The following CTNNA2 variants were observed in gnomAD, a reference collection of about 807,000 sequenced individuals.
CTNNA2 encodes the protein catenin alpha-2.
In CTNNA2, 42 loss-of-function variants were observed where a neutral mutation model predicts 101.0. The ratio of observed to expected loss-of-function variants is 0.42; its 90% CI spans 0.32 to 0.54. The LOEUF is 0.54. Ranked by LOEUF, CTNNA2 falls within the 20% of genes least tolerant of loss-of-function variation. CTNNA2 has a pLI of 0.14. For missense variants in CTNNA2, 871 were observed against 1,223.1 expected (o/e 0.71, Z 4.29); for synonymous variants, 450 against 456.4 (o/e 0.99, Z 0.18).
chr2:79,606,569 A>G (rs999848983), intron 1 of CTNNA2, among the ~76,000 whole-genome samples: 2 of 152,184 alleles, frequency 1.3e-5, no homozygotes, highest in Admixed American at 1.3e-4. Context: ...CGCCTGGCCA[A>G]TATTGAGTGT....
At chr2:80,064,077 G>A (rs1697801432) in intron 7 of CTNNA2, among the ~76,000 whole-genome samples, 1 of 152,166 alleles carries the variant, frequency 6.6e-6, no homozygotes, top group African/African-American at 2.4e-5. Flanking sequence ...GAGGGAGAGG[G>A]AGAAGAAAAC....
chr2:79,528,188 C>A (rs565378065), intron 1 of CTNNA2, among the ~76,000 whole-genome samples: 1 of 136,336 alleles, frequency 7.3e-6, no homozygotes, highest in Admixed American at 7.6e-5. Context: ...CTAATGGGTA[C>A]ACGTTCTCTT....
At chr2:79,395,273 G>A (rs1678216910) in intron 4 of CTNNA2, among the ~76,000 whole-genome samples, 1 of 151,670 alleles carries the variant, frequency 6.6e-6, no homozygotes, top group Non-Finnish European at 1.5e-5. Flanking sequence ...TAAGTTTTAG[G>A]GTACATGTGC....
chr2:79,703,065 G>A (rs1228272859), intron 2 of CTNNA2, among the ~76,000 whole-genome samples: 2 of 152,180 alleles, frequency 1.3e-5, no homozygotes, highest in Non-Finnish European at 1.5e-5. Flanking sequence ...GAACAGTTGT[G>A]TCCAGACATC....
At chr2:79,473,372 A>T (rs1438231676) in intron 4 of CTNNA2, among the ~76,000 whole-genome samples, 1 of 152,042 alleles carries the variant, frequency 6.6e-6, no homozygotes, top group East Asian at 1.9e-4. Flanking sequence ...AGAGAATACC[A>T]AGTAGGCTAA....
chr2:79,286,634 A>G (rs1028844807), intron 2 of CTNNA2, among the ~76,000 whole-genome samples: 1 of 152,078 alleles, frequency 6.6e-6, no homozygotes, highest in Non-Finnish European at 1.5e-5. Context: ...CTGTTAGTCT[A>G]ATGGGCTTCC....
intron 7 of CTNNA2, among the ~76,000 whole-genome samples, chr2:79,946,775 T>C (rs774135407): frequency 5.9e-5 from 9 of 152,080 alleles, no homozygotes; most frequent in Non-Finnish European, 1.2e-4. Context: ...ATTGGGAGCA[T>C]ATAGTTGAAG....
At chr2:79,428,723 A>T (rs1393692457) in intron 4 of CTNNA2, among the ~76,000 whole-genome samples, 1 of 152,158 alleles carries the variant, frequency 6.6e-6, no homozygotes, top group Admixed American at 6.6e-5. Flanking sequence ...GGCTGTTGAA[A>T]AAAAACATAT....
chr2:80,271,905 A>G (rs1440859204), intron 7 of CTNNA2, among the ~76,000 whole-genome samples: 1 of 152,220 alleles, frequency 6.6e-6, no homozygotes, highest in Non-Finnish European at 1.5e-5. Context: ...TCATCTGGCC[A>G]TTGTTTCATA....
chr2:79,788,596 C>T (rs1298602196), intron 3 of CTNNA2, among the ~76,000 whole-genome samples: 2 of 152,164 alleles, frequency 1.3e-5, no homozygotes, highest in Admixed American at 6.5e-5. Context: ...CACCTGCTTC[C>T]GTGAGAGGAC....
At chr2:79,821,098 T>A (rs540314988) in intron 3 of CTNNA2, among the ~76,000 whole-genome samples, 4 of 152,318 alleles carry the variant, frequency 2.6e-5, no homozygotes, top group African/African-American at 9.6e-5. Flanking sequence ...TTTCTTTAGC[T>A]TGTCACAATG....
At chr2:79,287,089 C>T (rs1448758508) in intron 2 of CTNNA2, among the ~76,000 whole-genome samples, 20 of 152,270 alleles carry the variant, frequency 1.3e-4, no homozygotes, top group Non-Finnish European at 2.5e-4. Context: ...GTTCTCGAGC[C>T]TTGGTTTTCA....
At chr2:80,489,564 G>C (rs1203086151) in intron 9 of CTNNA2, among the ~76,000 whole-genome samples, 1 of 152,138 alleles carries the variant, frequency 6.6e-6, no homozygotes, top group Non-Finnish European at 1.5e-5. Flanking sequence ...TTATATAAGG[G>C]TGTTCTGATA....
At chr2:80,090,294 A>G (rs938978403) in intron 7 of CTNNA2, among the ~76,000 whole-genome samples, 5 of 151,788 alleles carry the variant, frequency 3.3e-5, no homozygotes, top group African/African-American at 7.3e-5. Context: ...CATATGCTCA[A>G]TGAGTGCTTG....
intron 11 of CTNNA2, among the ~76,000 whole-genome samples, chr2:80,554,580 G>GA (rs1221283647): frequency 6.6e-6 from 1 of 152,146 alleles, no homozygotes; most frequent in Non-Finnish European, 1.5e-5. Flanking sequence ...AAAGAGGGTA[G>GA]AAAGAGGGAG....
At chr2:79,255,423 T>C (rs1674831489) in intron 2 of CTNNA2, among the ~76,000 whole-genome samples, 1 of 152,202 alleles carries the variant, frequency 6.6e-6, no homozygotes, top group African/African-American at 2.4e-5. Context: ...ACTGGTACTT[T>C]GCATGATGAA....
chr2:80,220,924 C>G (rs1708536151), intron 7 of CTNNA2, among the ~76,000 whole-genome samples: 2 of 152,114 alleles, frequency 1.3e-5, no homozygotes, highest in African/African-American at 4.8e-5. Flanking sequence ...CTCTGTTGCC[C>G]AGGCTGAATT....
chr2:79,850,699 A>G (rs995244280), intron 3 of CTNNA2, among the ~76,000 whole-genome samples: 1 of 152,100 alleles, frequency 6.6e-6, no homozygotes, highest in Non-Finnish European at 1.5e-5. Flanking sequence ...AAATAACCTT[A>G]ATAATCTTTC....
chr2:79,352,171 C>A (rs550849596), intron 3 of CTNNA2, among the ~76,000 whole-genome samples: 14 of 151,900 alleles, frequency 9.2e-5, no homozygotes, highest in Middle Eastern at 3.4e-3. Context: ...TCTAATAAGT[C>A]GTGATAATTA....
Sources: gnomAD v4.1 joint callset for allele counts (sites outside exome capture counted in the v4.1 genomes callset) on GRCh38, gnomAD v4.1.1 for gene constraint, MANE v1.5 for transcripts, NCBI Gene and HGNC (gene_info 2026-07-23, HGNC 2026-07-21) for gene names.